The following ACO2 variants were observed in gnomAD, a reference collection of about 807,000 sequenced individuals.
The protein encoded by ACO2 is aconitate hydratase, mitochondrial.
Under a neutral mutation model 84.5 loss-of-function variants are expected in ACO2, and 31 were observed. The ratio of observed to expected loss-of-function variants is 0.37; its 90% CI spans 0.28 to 0.50. The LOEUF is 0.50. Among genes scored for constraint, ACO2 ranks in the 20% least tolerant of loss-of-function variants. ACO2 has a pLI of 0.97. For missense variants in ACO2, 685 were observed against 1,029.3 expected, an observed-to-expected ratio of 0.67 and a Z score of 4.58; for synonymous variants, 414 against 412.7, an observed-to-expected ratio of 1.00 and a Z score of -0.04.
intron 1 of ACO2, among the ~76,000 whole-genome samples, chr22:41,499,087 G>A (rs1444331015): frequency 5.5e-5 from 8 of 144,794 alleles, no homozygotes; most frequent in Admixed American, 4.9e-4. Flanking sequence ...GCAAGACTCC[G>A]TCTCAAAAAA....
intron 1 of ACO2, 152 bp downstream of exon 1, chr22:41,469,334 C>A: frequency 2.3e-6 from 2 of 883,266 alleles, no homozygotes; most frequent in Non-Finnish European, 3.3e-6. Context: ...GTGCCCGCTT[C>A]TCTGGTGCCC....
intron 2 of ACO2, among the ~76,000 whole-genome samples, chr22:41,500,395 A>G (rs1311479923): frequency 6.7e-6 from 1 of 148,394 alleles, no homozygotes; most frequent in Non-Finnish European, 1.5e-5. Flanking sequence ...ATAAATATAT[A>G]TATATTTGAG....
Position 41,515,391 on chromosome 22 carries a change from CTA to C in ACO2, c.542_543del (p.Tyr181CysfsTer11). 6.2e-7 allele frequency: 1 copy of C among 1,612,710 alleles called. No homozygotes were observed. The highest frequency in any genetic ancestry group is 1.7e-5 in the Admixed American group (1 of 60,010). ...TTATTTTTCAGATTATTCTGGAAAA[CTA>C]TGCGTACCCTGGTGTTCTTCTGATT... ...GIIHQIILENYAYPGVLLIGT... is the reference protein window; with the variant it reads ...GIIHQIILENXAYPGVLLIGT... On this transcript the variant is annotated frameshift_variant, in exon 5 of 18. Transcript: ENST00000216254. LOFTEE classifies it high-confidence loss of function. This position sits in a 1 kb window ranked among gnomAD's most constrained non-coding sequence, Gnocchi z 5.8.
chr22:41,474,303 T>A (rs2146076399), intron 1 of ACO2, among the ~76,000 whole-genome samples: 1 of 149,578 alleles, frequency 6.7e-6, no homozygotes, highest in Admixed American at 6.6e-5. Context: ...TTTTTTTTTT[T>A]TTTTTTTTGA....
chr22:41,471,611 A>T (rs1212705200), intron 1 of ACO2, among the ~76,000 whole-genome samples: 3 of 152,142 alleles, frequency 2.0e-5, no homozygotes, highest in Admixed American at 2.0e-4. Flanking sequence ...AATGTACCTG[A>T]CTGCAGAGGG....
intron 1 of ACO2, among the ~76,000 whole-genome samples, chr22:41,485,712 G>C (rs2038146265): frequency 6.6e-6 from 1 of 151,660 alleles, no homozygotes. Context: ...CAAAGTGCTG[G>C]GATTACAGGT....
At chr22:41,511,999 G>T (rs1193346966) in intron 4 of ACO2, 31 bp downstream of exon 4, 2 of 1,574,060 alleles carry the variant, frequency 1.3e-6, no homozygotes, top group East Asian at 4.6e-5. Context: ...CCGTCCCAAG[G>T]GCCCAAGCCA....
chr22:41,517,209 C>T, intron 6 of ACO2: 1 of 371,380 alleles, frequency 2.7e-6, no homozygotes, highest in Non-Finnish European at 5.2e-6. Flanking sequence ...GGTGCCTGTT[C>T]AATCTCTTGG....
At chr22:41,489,698 C>A (rs1171424646) in intron 1 of ACO2, among the ~76,000 whole-genome samples, 1 of 151,384 alleles carries the variant, frequency 6.6e-6, no homozygotes, top group Non-Finnish European at 1.5e-5. Flanking sequence ...ATAGGTGAGG[C>A]CGTGTCACCA....
At chr22:41,470,071 T>A (rs569664184) in intron 1 of ACO2, among the ~76,000 whole-genome samples, 2 of 152,180 alleles carry the variant, frequency 1.3e-5, no homozygotes, top group African/African-American at 2.4e-5. Flanking sequence ...ATAAGGAGAC[T>A]CCAGTTTGAC....
chr22:41,502,675 C>A (rs1431238190), intron 2 of ACO2, among the ~76,000 whole-genome samples: 1 of 152,198 alleles, frequency 6.6e-6, no homozygotes, highest in African/African-American at 2.4e-5. Flanking sequence ...GTTGTGCAAT[C>A]TCGGCTCACT....
At chr22:41,526,554 GCCGA>G in intron 15 of ACO2, 101 bp downstream of exon 15, 10 of 1,335,176 alleles carry the variant, frequency 7.5e-6, no homozygotes, top group Non-Finnish European at 1.0e-5. Context: ...TGGGAAGGAG[GCCGA>G]CCAAGCCCAA....
At chr22:41,477,112 G>A (rs1484040894) in intron 1 of ACO2, among the ~76,000 whole-genome samples, 1 of 150,444 alleles carries the variant, frequency 6.6e-6, no homozygotes, top group African/African-American at 2.4e-5. Context: ...ATTAAAGGTA[G>A]GGAGAATGGT....
At chr22:41,527,548 T>G (rs1002045848) in intron 16 of ACO2, 128 bp downstream of exon 16, 3 of 1,295,694 alleles carry the variant, frequency 2.3e-6, no homozygotes, top group Non-Finnish European at 3.1e-6. Flanking sequence ...CCCGTCAGCC[T>G]CTTGCCCCTT....
Position 41,471,368 on chromosome 22 carries a change from A to C in ACO2, c.36+2186A>C, listed in dbSNP as rs114967205. Among the ~76,000 whole-genome samples the C allele has an allele frequency of 8.5e-3, 1,287 of 152,174 alleles. 18 individuals are homozygous for C. Among genetic ancestry groups the C allele is most frequent in the African/African-American group, 0.03 (1,226 of 41,544 alleles). On this transcript the variant is annotated intron_variant, in intron 1 of 17. Transcript: ENST00000216254. ...CCTCCCAATAACCAGGCTGTCTCAA[A>C]TAACCAACTAACACGGTTTCTCTGA...
intron 1 of ACO2, among the ~76,000 whole-genome samples, chr22:41,482,440 C>G (rs1193461645): frequency 6.6e-6 from 1 of 152,214 alleles, no homozygotes; most frequent in Non-Finnish European, 1.5e-5. Flanking sequence ...CTATGCACAG[C>G]AAGGTTCACA....
intron 1 of ACO2, among the ~76,000 whole-genome samples, chr22:41,493,261 T>G (rs1000709658): frequency 6.6e-6 from 1 of 152,124 alleles, no homozygotes; most frequent in African/African-American, 2.4e-5. Context: ...CACATAAACT[T>G]TGGGGGACAC....
chr22:41,526,423 C>A lies in ACO2; in HGVS notation c.1923C>A (p.Gly641=), dbSNP rs879019749. Residue 641 remains glycine (G), a synonymous_variant, in exon 15 of 18, where the codon GGC becomes GGA. Transcript: ENST00000216254. ...GCAATGCCGTCACTCAGGAGTTTGGCCCCGTCCCTGACACTGCCCGCTACT... is the reference window on the plus strand; with the variant it reads ...GCAATGCCGTCACTCAGGAGTTTGGACCCGTCCCTGACACTGCCCGCTACT... ...SVRNAVTQEF[G]PVPDTARYYK... is the part of the protein sequence containing the mutation. 2.5e-6 allele frequency: 4 copies of A among 1,613,440 alleles called. No homozygotes were observed. Among genetic ancestry groups the A allele is most frequent in the South Asian group, 1.1e-5 (1 of 91,034 alleles).
intron 1 of ACO2, among the ~76,000 whole-genome samples, chr22:41,491,645 G>A (rs186468095): frequency 1.3e-5 from 2 of 152,288 alleles, no homozygotes; most frequent in East Asian, 3.9e-4. Context: ...CGAACACAAT[G>A]TCACCACTTC....
Sources: allele counts gnomAD v4.1 joint callset (sites outside exome capture counted in the v4.1 genomes callset), GRCh38; gene constraint gnomAD v4.1.1; non-coding constraint Gnocchi (gnomAD v3.1); transcripts MANE v1.5; gene names NCBI Gene and HGNC (gene_info 2026-07-23, HGNC 2026-07-21).